DNAH6: variants seen among roughly 807,000 people sequenced by gnomAD.
The protein encoded by DNAH6 is axonemal beta dynein heavy chain 6.
DNAH6 carries 340 observed loss-of-function variants against 491.4 expected under a neutral mutation model. That is an observed-to-expected ratio of 0.69 (90% confidence interval 0.63 to 0.76). The LOEUF is 0.76. DNAH6 is among the 30% of genes least tolerant of loss of function. The probability of loss-of-function intolerance (pLI) is 0.00; values close to 1 mark genes in which losing one functional copy is unlikely to be tolerated. For synonymous variants in DNAH6, 1,603 were observed against 1,686.1 expected (o/e 0.95, Z 1.21); for missense variants, 4,443 against 4,972.2 (o/e 0.89, Z 3.20).
rs1679176469 is a variant in DNAH6 at position 84,550,062 on chromosome 2, A to G, written c.1485+5A>G. 4 of 1,606,092 alleles carry G rather than the reference A, an allele frequency of 2.5e-6. No individual in the cohort carries two copies. Among genetic ancestry groups the G allele is most frequent in the Non-Finnish European group, 3.4e-6 (4 of 1,174,486 alleles). ...CCTGAAGTCCCTGATAAAAAGGTAT[A>G]CTCACACAAAATTAAGAATATTTTA... On this transcript the variant is annotated splice_donor_5th_base_variant and intron_variant, in intron 9 of 76. Coordinates refer to ENST00000389394, the MANE Select transcript of DNAH6 (RefSeq NM_001370.2).
At chr2:84,649,746 G>A (rs1690241536) in intron 33 of DNAH6, among the ~76,000 whole-genome samples, 1 of 151,944 alleles carries the variant, frequency 6.6e-6, no homozygotes, top group Admixed American at 6.6e-5. Context: ...TCAGGGACAT[G>A]GATGAAGCTG....
chr2:84,501,048 AC>A, the DNAH6 span, among the ~76,000 whole-genome samples: 2 of 152,166 alleles, frequency 1.3e-5, no homozygotes, highest in Admixed American at 6.6e-5. Context: ...TCTAGCTAAG[AC>A]TTCCAGTACT....
intron 11 of DNAH6, among the ~76,000 whole-genome samples, chr2:84,563,256 AT>A (rs1479275560): frequency 2.0e-5 from 3 of 152,164 alleles, no homozygotes; most frequent in African/African-American, 7.2e-5. Context: ...CAATAATGGG[AT>A]TGCTGGGTCA....
At chr2:84,819,259 G>T in intron 76 of DNAH6, 46 bp from the exon 77 acceptor site, 1 of 1,350,118 alleles carries the variant, frequency 7.4e-7, no homozygotes. Context: ...GTATGAGGAA[G>T]TTATTCTCTT....
At chr2:84,479,230 G>T in the DNAH6 span, among the ~76,000 whole-genome samples, 2 of 152,234 alleles carry the variant, frequency 1.3e-5, no homozygotes, top group African/African-American at 4.8e-5. Flanking sequence ...CAACATTCAA[G>T]CAGTAAAACA....
At chr2:84,730,552 TAAAAAAAAAATCTC>T (rs1235910924) in intron 61 of DNAH6, among the ~76,000 whole-genome samples, 3 of 149,484 alleles carry the variant, frequency 2.0e-5, no homozygotes, top group African/African-American at 4.9e-5. Context: ...CTGATGAGCT[TAAAAAAAAAATCTC>T]AAAAAAAAAA....
At chr2:84,740,601 AG>A (rs923828301) in intron 62 of DNAH6, among the ~76,000 whole-genome samples, 2 of 152,026 alleles carry the variant, frequency 1.3e-5, no homozygotes, top group Admixed American at 1.3e-4. Flanking sequence ...CCCCTCCTTT[AG>A]GGACAGTCTG....
intron 3 of DNAH6, among the ~76,000 whole-genome samples, chr2:84,527,681 A>G (rs971120369): frequency 6.6e-6 from 1 of 152,170 alleles, no homozygotes; most frequent in Non-Finnish European, 1.5e-5. Flanking sequence ...AAAGACACAC[A>G]TTTTACCTTT....
the DNAH6 span, among the ~76,000 whole-genome samples, chr2:84,471,950 C>G: frequency 6.6e-6 from 1 of 152,064 alleles, no homozygotes; most frequent in Admixed American, 6.6e-5. Context: ...TGGTGGGCAC[C>G]CACACAGGCA....
chr2:84,734,892 T>C (rs1302534599), intron 62 of DNAH6, among the ~76,000 whole-genome samples: 2 of 152,228 alleles, frequency 1.3e-5, no homozygotes, highest in Non-Finnish European at 2.9e-5. Context: ...TATATTTCTT[T>C]TTTATTATTT....
rs761826644 is a variant in DNAH6 at position 84,604,528 on chromosome 2, G to GC, written c.3060dup (p.Glu1022ArgfsTer5). The GC allele has an allele frequency of 1.4e-4, 217 of 1,551,328 alleles. No homozygotes were observed. The highest frequency in any genetic ancestry group is 1.8e-4 in the Non-Finnish European group (209 of 1,146,880). ...ATCTGGACAGGCTTCTGGAGAAGCT[G>GC]CCTTAGAAGCAATTCTTAAAAAGGT... is the stretch of plus-strand genomic sequence containing the variant. On this transcript the variant is annotated frameshift_variant, in exon 19 of 77. Coordinates refer to ENST00000389394, the MANE Select transcript of DNAH6 (RefSeq NM_001370.2). LOFTEE classifies it high-confidence loss of function.
chr2:84,791,863 A>T (rs75775308), intron 68 of DNAH6, among the ~76,000 whole-genome samples: 3,820 of 152,164 alleles, frequency 0.025, 57 homozygotes, highest in Middle Eastern at 0.092. Flanking sequence ...TTCAGAAAAT[A>T]TTGATTAGTA....
intron 68 of DNAH6, among the ~76,000 whole-genome samples, chr2:84,791,261 A>G (rs1183959042): frequency 2.0e-5 from 3 of 152,132 alleles, no homozygotes; most frequent in African/African-American, 4.8e-5. Context: ...TCATAACAGC[A>G]TTGTTCATAA....
intron 68 of DNAH6, among the ~76,000 whole-genome samples, chr2:84,790,955 G>T (rs1158262193): frequency 1.3e-5 from 2 of 152,044 alleles, no homozygotes; most frequent in Non-Finnish European, 2.9e-5. Flanking sequence ...ACTTTGGGAG[G>T]CCCAGGTGGG....
intron 23 of DNAH6, among the ~76,000 whole-genome samples, chr2:84,617,922 C>G (rs1238815673): frequency 6.6e-6 from 1 of 152,064 alleles, no homozygotes; most frequent in Non-Finnish European, 1.5e-5. Flanking sequence ...GCCTCTCCAG[C>G]TTTAACACTT....
chr2:84,544,274 C>G lies in DNAH6; in HGVS notation c.704C>G (p.Thr235Ser). ...YENINKNDYY[T>S]ISQRAVTHIY... ...AACATCAATAAAAATGACTACTATACTATTAGCCAAAGGGCAGTAACACAC... is the reference window on the plus strand; with the variant it reads ...AACATCAATAAAAATGACTACTATAGTATTAGCCAAAGGGCAGTAACACAC... Residue 235 changes from threonine (T) to serine (S), a missense_variant, in exon 5 of 77, where the codon ACT (threonine) becomes AGT (serine). Around this residue, in one of 3 missense-constraint regions of DNAH6, gnomAD observed 2,977 missense variants for 3,296.6 expected, o/e 0.90. Coordinates refer to ENST00000389394, the MANE Select transcript of DNAH6 (RefSeq NM_001370.2). 6.6e-7 allele frequency: 1 copy of G among 1,510,846 alleles called. No individual in the cohort carries two copies. Among genetic ancestry groups the G allele is most frequent in the African/African-American group, 1.4e-5 (1 of 72,396 alleles). The allele number at this position is 1,510,846 out of a possible 1,614,324, so 93.6% of individuals were successfully genotyped here.
chr2:84,722,075 T>C (rs1698214758), intron 59 of DNAH6, among the ~76,000 whole-genome samples: 1 of 152,124 alleles, frequency 6.6e-6, no homozygotes, highest in South Asian at 2.1e-4. Flanking sequence ...TCATTTGGGG[T>C]TATAATCCTC....
At chr2:84,633,806 GA>G (rs1417412163) in intron 29 of DNAH6, among the ~76,000 whole-genome samples, 2 of 151,860 alleles carry the variant, frequency 1.3e-5, no homozygotes, top group African/African-American at 4.8e-5. Context: ...TATGCACACA[GA>G]TCTATCAGCC....
At chr2:84,547,822 A>C (rs1678923643) in intron 7 of DNAH6, among the ~76,000 whole-genome samples, 1 of 152,244 alleles carries the variant, frequency 6.6e-6, no homozygotes, top group African/African-American at 2.4e-5. Context: ...GTTTGTATAT[A>C]GTATTTCTAA....
Sources: gnomAD v4.1 joint callset for allele counts (sites outside exome capture counted in the v4.1 genomes callset) on GRCh38, gnomAD v4.1.1 for gene constraint, gnomAD v4.1.1 regional missense constraint, MANE v1.5 for transcripts, NCBI Gene and HGNC (gene_info 2026-07-23, HGNC 2026-07-21) for gene names.